The following ATP8B1 variants were observed in gnomAD, a reference collection of about 807,000 sequenced individuals.
The protein encoded by ATP8B1 is ATPase phospholipid transporting 8B1.
Under a neutral mutation model 149.9 loss-of-function variants are expected in ATP8B1, and 80 were observed. That is an observed-to-expected ratio of 0.53 (90% confidence interval 0.45 to 0.64). The LOEUF (loss-of-function observed/expected upper bound fraction) is 0.64. ATP8B1 is among the 30% of genes least tolerant of loss of function. The probability of loss-of-function intolerance (pLI) is 0.00; values close to 1 mark genes in which losing one functional copy is unlikely to be tolerated. For synonymous variants in ATP8B1, 536 were observed against 562.8 expected (o/e 0.95, Z 0.67); for missense variants, 1,247 against 1,552.6 (o/e 0.80, Z 3.31).
chr18:57,789,053 C>T (rs1219949735), intron 1 of ATP8B1, among the ~76,000 whole-genome samples: 2 of 152,046 alleles, frequency 1.3e-5, no homozygotes, highest in East Asian at 3.9e-4. Flanking sequence ...TTTTGTGTTC[C>T]AAGAGTTCAT....
intron 1 of ATP8B1, among the ~76,000 whole-genome samples, chr18:57,769,225 C>G (rs1205545439): frequency 6.6e-6 from 1 of 152,216 alleles, no homozygotes; most frequent in East Asian, 1.9e-4. Flanking sequence ...CCGCCATTCC[C>G]TAGAGCCACG....
chr18:57,739,640 G>T (rs915676913), intron 1 of ATP8B1, among the ~76,000 whole-genome samples: 1 of 152,092 alleles, frequency 6.6e-6, no homozygotes, highest in African/African-American at 2.4e-5. Flanking sequence ...CTTTACACAG[G>T]TCACACCTAC....
At chr18:57,763,164 C>T (rs1383869781) in intron 1 of ATP8B1, among the ~76,000 whole-genome samples, 2 of 152,102 alleles carry the variant, frequency 1.3e-5, no homozygotes, top group South Asian at 2.1e-4. Flanking sequence ...GAAGCCGAAG[C>T]GGGCAGATCA....
intron 2 of ATP8B1, among the ~76,000 whole-genome samples, chr18:57,707,079 G>A (rs545195602): frequency 8.7e-4 from 132 of 152,288 alleles, no homozygotes; most frequent in African/African-American, 3.0e-3. Context: ...GGCCAAGGCG[G>A]GTGAATCACG....
chr18:57,775,874 C>T (rs924566135), intron 1 of ATP8B1, among the ~76,000 whole-genome samples: 6 of 152,148 alleles, frequency 3.9e-5, no homozygotes, highest in African/African-American at 1.4e-4. Flanking sequence ...AAACTCCCGA[C>T]CTCAGGTGAT....
rs1408069271 is a variant in ATP8B1 at position 57,731,815 on chromosome 18, G to T, written c.-8C>A. 3 of 1,613,786 alleles carry T rather than the reference G, an allele frequency of 1.9e-6. No homozygotes were observed. The highest frequency in any genetic ancestry group is 1.7e-6 in the Non-Finnish European group (2 of 1,179,966). ...GTCTCTTTCTGTACTCATTCTGCTG[G>T]CAAATTGGAACTACCTGCTTAAAAG... On this transcript the variant is annotated 5_prime_UTR_variant, in exon 2 of 28. An upstream open reading frame in the 5' UTR gains an earlier in-frame stop. Coordinates refer to ENST00000648908, the MANE Select transcript of ATP8B1 (RefSeq NM_001374385.1).
chr18:57,786,353 C>G (rs867253715), intron 1 of ATP8B1, among the ~76,000 whole-genome samples: 8 of 152,094 alleles, frequency 5.3e-5, no homozygotes, highest in African/African-American at 1.9e-4. Flanking sequence ...GAATCCAGCT[C>G]GTCAAAAGCC....
chr18:57,695,108 G>C (rs1912739234), intron 10 of ATP8B1, 63 bp downstream of exon 10: 5 of 1,448,874 alleles, frequency 3.5e-6, no homozygotes, highest in Non-Finnish European at 4.7e-6. Context: ...GGACAGAAAA[G>C]CAATCCCCTC....
intron 1 of ATP8B1, among the ~76,000 whole-genome samples, chr18:57,747,218 C>T (rs536063148): frequency 4.2e-4 from 64 of 152,214 alleles, no homozygotes; most frequent in African/African-American, 1.4e-3. Context: ...TTTGGGAAGC[C>T]GAGGTGGGTG....
chr18:57,689,209 C>T (rs778735688), intron 12 of ATP8B1, among the ~76,000 whole-genome samples: 2 of 152,126 alleles, frequency 1.3e-5, no homozygotes, highest in Non-Finnish European at 2.9e-5. Context: ...CCCCATTCCC[C>T]ATAGCACCCA....
chr18:57,796,134 T>C (rs1428401926), intron 1 of ATP8B1, among the ~76,000 whole-genome samples: 2 of 152,024 alleles, frequency 1.3e-5, no homozygotes, highest in Non-Finnish European at 2.9e-5. Flanking sequence ...CACCACTGCA[T>C]TCCAGCCTGC....
chr18:57,686,962 G>A (rs1393630277), intron 13 of ATP8B1, among the ~76,000 whole-genome samples: 6 of 152,166 alleles, frequency 3.9e-5, no homozygotes, highest in Admixed American at 2.0e-4. Context: ...TCCTGCCTCA[G>A]TCTCCCAAGT....
chr18:57,671,510 A>G lies in ATP8B1; in HGVS notation c.1890T>C (p.His630=). 1 of 1,614,142 alleles carries G rather than the reference A, an allele frequency of 6.2e-7. No individual in the cohort carries two copies. The highest frequency in any genetic ancestry group is 1.7e-5 in the Admixed American group (1 of 60,026). Residue 630 remains histidine, a synonymous_variant, in exon 17 of 28, where the codon CAT becomes CAC. Transcript: ENST00000648908. ...GADTVIYERL[H]RMNPTKQETQ... is the part of the protein sequence containing the mutation. Reference sequence around the variant, plus strand: ...TTTCTTGCTTAGTAGGATTCATTCGATGTAACCGTTCATAAATAACAGTGT... The same window carrying G: ...TTTCTTGCTTAGTAGGATTCATTCGGTGTAACCGTTCATAAATAACAGTGT...
At chr18:57,727,349 C>T (rs1269472394) in intron 2 of ATP8B1, among the ~76,000 whole-genome samples, 1 of 152,162 alleles carries the variant, frequency 6.6e-6, no homozygotes, top group Admixed American at 6.5e-5. Context: ...GGAACAGCTC[C>T]CTCAGCACTT....
intron 1 of ATP8B1, among the ~76,000 whole-genome samples, chr18:57,737,387 T>C (rs1192492178): frequency 1.3e-5 from 2 of 152,058 alleles, no homozygotes; most frequent in Non-Finnish European, 1.5e-5. Flanking sequence ...CACAAACCAC[T>C]GTTTGTTTCC....
chr18:57,671,620 T>A lies in ATP8B1; in HGVS notation c.1820-40A>T, dbSNP rs772022796. The A allele has an allele frequency of 1.5e-5, 20 of 1,372,836 alleles. No homozygotes were observed. The African/African-American group carries it at 2.0e-4, about 14-fold the overall frequency. The allele number at this position is 1,372,836 out of a possible 1,614,324, so 85.0% of individuals were successfully genotyped here. On this transcript the variant is annotated intron_variant, in intron 16 of 27. Transcript: ENST00000648908. ...AGGAAATAAACACAACAAAGTTTGA[T>A]TTTTTATATATATATTTTTTGAGAC... is the stretch of plus-strand genomic sequence containing the variant.
At chr18:57,734,832 G>A (rs1282336179) in intron 1 of ATP8B1, among the ~76,000 whole-genome samples, 1 of 152,136 alleles carries the variant, frequency 6.6e-6, no homozygotes, top group Non-Finnish European at 1.5e-5. Context: ...TGAGAGACAG[G>A]GCTAGCTGGA....
intron 1 of ATP8B1, among the ~76,000 whole-genome samples, chr18:57,748,986 T>C (rs935580850): frequency 2.0e-5 from 3 of 152,210 alleles, no homozygotes; most frequent in African/African-American, 7.2e-5. Flanking sequence ...GGTACACCTA[T>C]AGAAGTATCC....
At chr18:57,676,500 A>G (rs894738705) in intron 15 of ATP8B1, among the ~76,000 whole-genome samples, 4 of 152,028 alleles carry the variant, frequency 2.6e-5, no homozygotes, top group Admixed American at 2.6e-4. Context: ...CAGGTAGATC[A>G]TGAGGTCAGG....
Sources: allele counts gnomAD v4.1 joint callset (sites outside exome capture counted in the v4.1 genomes callset), GRCh38; gene constraint gnomAD v4.1.1; transcripts MANE v1.5; gene names NCBI Gene and HGNC (gene_info 2026-07-23, HGNC 2026-07-21).